The following SLC35D4 variants were observed in gnomAD, a reference collection of about 807,000 sequenced individuals.
The protein encoded by SLC35D4 is solute carrier family 35 member D4.
chr18:23,343,716 A>G, the SLC35D4 span, among the ~76,000 whole-genome samples: 1 of 152,060 alleles, frequency 6.6e-6, no homozygotes, highest in African/African-American at 2.4e-5. Context: ...CTGTCCTCCC[A>G]TCCCTCACCC....
the SLC35D4 span, among the ~76,000 whole-genome samples, chr18:23,436,367 A>C: frequency 6.6e-6 from 1 of 152,202 alleles, no homozygotes; most frequent in Non-Finnish European, 1.5e-5. Context: ...TCCCATCTTA[A>C]AGTTAAGAAA....
At chr18:23,436,035 T>C in the SLC35D4 span, among the ~76,000 whole-genome samples, 4 of 7,582 alleles carry the variant, frequency 5.3e-4, no homozygotes, top group East Asian at 0.014. Flanking sequence ...CACTTTCTCT[T>C]TTTTTTTTTT....
chr18:23,372,093 G>A, the SLC35D4 span, among the ~76,000 whole-genome samples: 10 of 147,968 alleles, frequency 6.8e-5, no homozygotes, highest in African/African-American at 1.5e-4. Context: ...CCGCCACTAC[G>A]CCCGGCTAAT....
chr18:23,433,921 T>C, the SLC35D4 span, among the ~76,000 whole-genome samples: 1 of 152,056 alleles, frequency 6.6e-6, no homozygotes, highest in Non-Finnish European at 1.5e-5. Context: ...AGAAATTACA[T>C]GCTCTCTGCC....
chr18:23,389,790 C>T, the SLC35D4 span, among the ~76,000 whole-genome samples: 24 of 152,304 alleles, frequency 1.6e-4, no homozygotes, highest in African/African-American at 5.1e-4. Flanking sequence ...TCACCCACCT[C>T]GGCCTCTCAA....
At chr18:23,288,118 C>T in the SLC35D4 span, among the ~76,000 whole-genome samples, 14 of 152,186 alleles carry the variant, frequency 9.2e-5, no homozygotes, top group Non-Finnish European at 1.9e-4. Context: ...TCAATCTGGC[C>T]TCCCACATTA....
the SLC35D4 span, among the ~76,000 whole-genome samples, chr18:23,341,990 CA>C: frequency 1.5e-5 from 1 of 67,234 alleles, no homozygotes; most frequent in African/African-American, 7.9e-5. Flanking sequence ...CTCATATACA[CA>C]GGAAAAAAAA....
At chr18:23,257,304 C>T in the SLC35D4 span, 54 of 1,613,842 alleles carry the variant, frequency 3.3e-5, no homozygotes, top group Non-Finnish European at 4.1e-5. Context: ...CCTTGGAATT[C>T]GCCCTCCACT....
the SLC35D4 span, among the ~76,000 whole-genome samples, chr18:23,247,899 T>TC: frequency 1.3e-5 from 2 of 152,186 alleles, no homozygotes; most frequent in Admixed American, 1.3e-4. Context: ...AGCACTGGGC[T>TC]CCCTGGGCCA....
the SLC35D4 span, among the ~76,000 whole-genome samples, chr18:23,241,096 A>G: frequency 6.6e-6 from 1 of 152,174 alleles, no homozygotes; most frequent in Non-Finnish European, 1.5e-5. Context: ...GTCACCATAG[A>G]TTAGTTTTAC....
At chr18:23,282,375 G>A in the SLC35D4 span, among the ~76,000 whole-genome samples, 299 of 152,314 alleles carry the variant, frequency 2.0e-3, 1 homozygote, top group African/African-American at 7.0e-3. Context: ...TTTTACTAAC[G>A]GTAAACCACT....
chr18:23,326,879 G>C, the SLC35D4 span, among the ~76,000 whole-genome samples: 1 of 152,296 alleles, frequency 6.6e-6, no homozygotes, highest in Non-Finnish European at 1.5e-5. Flanking sequence ...AATCAAATTA[G>C]AACTCAGGAT....
chr18:23,252,800 C>T, the SLC35D4 span, among the ~76,000 whole-genome samples: 6 of 152,202 alleles, frequency 3.9e-5, no homozygotes, highest in African/African-American at 1.2e-4. Context: ...CCACAGTCCC[C>T]TTCAGGCTCC....
At chr18:23,313,750 C>T in the SLC35D4 span, among the ~76,000 whole-genome samples, 1 of 152,164 alleles carries the variant, frequency 6.6e-6, no homozygotes, top group Non-Finnish European at 1.5e-5. Context: ...AGGATGGAAC[C>T]ACTGAAGCTG....
chr18:23,406,874 G>A, the SLC35D4 span, among the ~76,000 whole-genome samples: 5 of 152,162 alleles, frequency 3.3e-5, no homozygotes, highest in African/African-American at 7.2e-5. Context: ...GTGCCATCAC[G>A]GCTCACTGCA....
the SLC35D4 span, among the ~76,000 whole-genome samples, chr18:23,390,862 G>T: frequency 6.6e-6 from 1 of 152,144 alleles, no homozygotes; most frequent in Admixed American, 6.6e-5. Context: ...CTGACCTCCA[G>T]GTCCTTGTCA....
At chr18:23,377,912 G>A in the SLC35D4 span, among the ~76,000 whole-genome samples, 41 of 152,198 alleles carry the variant, frequency 2.7e-4, no homozygotes, top group African/African-American at 8.2e-4. Flanking sequence ...ATGTTTACTC[G>A]TGAAAGATAA....
the SLC35D4 span, among the ~76,000 whole-genome samples, chr18:23,348,226 T>C: frequency 6.6e-6 from 1 of 152,210 alleles, no homozygotes; most frequent in Non-Finnish European, 1.5e-5. Context: ...CTTTTAAAAC[T>C]TGGGAGTTGT....
At chr18:23,256,606 G>A in the SLC35D4 span, among the ~76,000 whole-genome samples, 7 of 152,014 alleles carry the variant, frequency 4.6e-5, no homozygotes, top group South Asian at 2.1e-4. Context: ...TCAACCTCCC[G>A]AGGAGCTGGG....
Sources: allele counts gnomAD v4.1 joint callset (sites outside exome capture counted in the v4.1 genomes callset), GRCh38; gene constraint gnomAD v4.1.1; transcripts MANE v1.5; gene names NCBI Gene and HGNC (gene_info 2026-07-23, HGNC 2026-07-21).